RUNX1T1: variants seen among roughly 807,000 people sequenced by gnomAD.
RUNX1T1 encodes the protein RUNX1 partner transcriptional co-repressor 1.
In RUNX1T1, 4 loss-of-function variants were observed where a neutral mutation model predicts 62.8. That is an observed-to-expected ratio of 0.06 (90% CI 0.03 to 0.15). The LOEUF is 0.15. Ranked by LOEUF, RUNX1T1 falls within the 10% of genes least tolerant of loss-of-function variation. The pLI is 1.00. For synonymous variants in RUNX1T1, 291 were observed against 286.0 expected (o/e 1.02, Z -0.18); for missense variants, 508 against 754.3 (o/e 0.67, Z 3.82).
intron 1 of RUNX1T1, among the ~76,000 whole-genome samples, chr8:92,028,194 TTC>T (rs200563141): frequency 2.9e-5 from 4 of 140,268 alleles, no homozygotes; most frequent in African/African-American, 1.1e-4. Context: ...ATATTAGTAA[TTC>T]TTTTTTTTTT....
chr8:92,103,028 C>CGCGTG, upstream of RUNX1T1: 1 of 767,438 alleles, frequency 1.3e-6, no homozygotes, highest in Non-Finnish European at 1.8e-6. Flanking sequence ...CACGAGACCG[C>CGCGTG]GGAGTCGCGC....
intron 5 of RUNX1T1, among the ~76,000 whole-genome samples, chr8:91,998,738 T>C (rs969168967): frequency 1.3e-5 from 2 of 152,236 alleles, no homozygotes; most frequent in African/African-American, 4.8e-5. Context: ...TTGCTGCTCC[T>C]GCTGTTTGGA....
downstream of RUNX1T1, chr8:91,956,568 C>T (rs900249135): frequency 4.6e-6 from 1 of 218,644 alleles, no homozygotes; most frequent in Admixed American, 5.8e-5. Context: ...TAAAGATTCA[C>T]AGGTTGACAG....
chr8:91,982,586 C>T (rs566427225), intron 8 of RUNX1T1, among the ~76,000 whole-genome samples: 41 of 152,278 alleles, frequency 2.7e-4, no homozygotes, highest in African/African-American at 9.1e-4. Context: ...CATTATCTTG[C>T]TCTTCTGTGG....
At chr8:92,099,324 A>G (rs1475314012) in intron 1 of RUNX1T1, among the ~76,000 whole-genome samples, 2 of 152,196 alleles carry the variant, frequency 1.3e-5, no homozygotes, top group Non-Finnish European at 2.9e-5. Context: ...TCAAAGTTGA[A>G]TGAGTTCATT....
exon 7 of RUNX1T1, chr8:91,986,960 G>A (rs750338988): frequency 6.2e-7 from 1 of 1,610,384 alleles, no homozygotes; most frequent in East Asian, 2.2e-5. Context: ...TTCTTGACGT[G>A]TGCCATGCAA....
intron 1 of RUNX1T1, among the ~76,000 whole-genome samples, chr8:92,093,349 C>G (rs909671480): frequency 6.6e-6 from 1 of 151,032 alleles, no homozygotes; most frequent in Non-Finnish European, 1.5e-5. Flanking sequence ...GTTCAAATTT[C>G]TTTGACTCAA....
At chr8:92,063,333 C>T (rs1333301711), upstream of RUNX1T1, among the ~76,000 whole-genome samples, 4 of 152,234 alleles carry the variant, frequency 2.6e-5, no homozygotes, top group East Asian at 1.9e-4. Context: ...CTGGGATCCC[C>T]GGGTTGATAT....
chr8:91,955,154 G>A (rs901529591), downstream of RUNX1T1: 8 of 215,300 alleles, frequency 3.7e-5, no homozygotes, highest in East Asian at 2.8e-4. Context: ...AAAAAATGGC[G>A]TCCACCACCT....
intron 10 of RUNX1T1, among the ~76,000 whole-genome samples, chr8:91,969,717 AG>A (rs1812379745): frequency 6.6e-6 from 1 of 152,182 alleles, no homozygotes; most frequent in African/African-American, 2.4e-5. Context: ...AGATTCCTGC[AG>A]AGTCTTTCAT....
At chr8:91,970,584 ACCT>A (rs1416583035) in intron 10 of RUNX1T1, 71 bp downstream of exon 11, 2 of 1,295,708 alleles carry the variant, frequency 1.5e-6, no homozygotes, top group African/African-American at 3.0e-5. Flanking sequence ...TAAAGTGATC[ACCT>A]TGAATGAAGA....
At chr8:91,968,412 TAAG>T (rs1812091123) in intron 10 of RUNX1T1, among the ~76,000 whole-genome samples, 1 of 152,222 alleles carries the variant, frequency 6.6e-6, no homozygotes, top group South Asian at 2.1e-4. Flanking sequence ...ATTAAACTTC[TAAG>T]AAATGAGAAC....
upstream of RUNX1T1, among the ~76,000 whole-genome samples, chr8:92,066,091 G>T (rs1832833662): frequency 6.6e-6 from 1 of 152,148 alleles, no homozygotes; most frequent in Admixed American, 6.5e-5. Context: ...GGTTCAAATG[G>T]AGCATTTTAC....
chr8:91,974,214 G>T (rs954312510), intron 9 of RUNX1T1, among the ~76,000 whole-genome samples: 1 of 152,036 alleles, frequency 6.6e-6, no homozygotes, highest in Non-Finnish European at 1.5e-5. Context: ...TGATTAAGTG[G>T]AAAATACATA....
In RUNX1T1 at chr8:91,976,065, T is replaced by C. The variant is rs1813870910; in HGVS notation, c.1199-92A>G. On this transcript the variant is annotated intron_variant, in intron 8 of 10. Transcript: ENST00000396218. ...ACAGAGTGAAAGTAAGCAATGCCCATTCTCCTGGCTTCTCTACAAAAACGC... is the reference window on the plus strand; with the variant it reads ...ACAGAGTGAAAGTAAGCAATGCCCACTCTCCTGGCTTCTCTACAAAAACGC... 1.3e-5 allele frequency: 11 copies of C among 825,290 alleles called. No individual in the cohort carries two copies. In the East Asian group the frequency reaches 2.0e-4, roughly 15 times the overall value. The allele number at this position is 825,290 out of a possible 1,614,324, so 51.1% of individuals were successfully genotyped here.
At chr8:92,011,932 C>T (rs1049711658) in intron 3 of RUNX1T1, among the ~76,000 whole-genome samples, 1 of 152,110 alleles carries the variant, frequency 6.6e-6, no homozygotes, top group Non-Finnish European at 1.5e-5. Context: ...TCATTTCATT[C>T]GTTTTCTTTA....
At chr8:92,008,108 T>C (rs2131059826) in intron 4 of RUNX1T1, among the ~76,000 whole-genome samples, 1 of 152,072 alleles carries the variant, frequency 6.6e-6, no homozygotes, top group East Asian at 1.9e-4. Flanking sequence ...TGTATATGCA[T>C]AAGATTTAAA....
exon 3 of RUNX1T1, chr8:92,014,796 G>A (rs1423661773): frequency 1.2e-6 from 2 of 1,612,414 alleles, no homozygotes; most frequent in South Asian, 1.1e-5. Flanking sequence ...CAAGGCTGTA[G>A]GAGAATGGCT....
intron 8 of RUNX1T1, among the ~76,000 whole-genome samples, chr8:91,977,663 T>G (rs1814267686): frequency 6.6e-6 from 1 of 152,214 alleles, no homozygotes; most frequent in Admixed American, 6.5e-5. Context: ...TTAAGCATAA[T>G]TTATTGGATA....
Sources: allele counts gnomAD v4.1 joint callset (sites outside exome capture counted in the v4.1 genomes callset), GRCh38; gene constraint gnomAD v4.1.1; transcripts MANE v1.5; gene names NCBI Gene and HGNC (gene_info 2026-07-23, HGNC 2026-07-21).